Variants in MACROD2 observed in about 807,000 individuals in gnomAD.
The protein encoded by MACROD2 is mono-ADP ribosylhydrolase 2, also known as ADP-ribose glycohydrolase MACROD2.
Under a neutral mutation model 70.4 loss-of-function variants are expected in MACROD2, and 36 were observed. That is an observed-to-expected ratio of 0.51 (90% confidence interval 0.39 to 0.68). The LOEUF (loss-of-function observed/expected upper bound fraction) is 0.68. MACROD2 is among the 30% of genes least tolerant of loss of function. The pLI is 0.00. For synonymous variants in MACROD2, 172 were observed against 178.8 expected (o/e 0.96, Z 0.30); for missense variants, 496 against 538.4 (o/e 0.92, Z 0.78).
intron 3 of MACROD2, among the ~76,000 whole-genome samples, chr20:14,289,020 G>A (rs1222815081): frequency 1.3e-5 from 2 of 152,106 alleles, no homozygotes; most frequent in African/African-American, 4.8e-5. Context: ...CAATATTTAG[G>A]GGGTAGTCTA....
chr20:15,018,446 C>T (rs1158318979), intron 5 of MACROD2, among the ~76,000 whole-genome samples: 6 of 152,136 alleles, frequency 3.9e-5, no homozygotes, highest in African/African-American at 1.4e-4. Context: ...CCACATTTTC[C>T]CATCTTCTTC....
chr20:14,779,866 T>C (rs1429579514), intron 5 of MACROD2, among the ~76,000 whole-genome samples: 1 of 152,166 alleles, frequency 6.6e-6, no homozygotes, highest in African/African-American at 2.4e-5. Flanking sequence ...GCTTTATTGC[T>C]TATATTTTAA....
intron 3 of MACROD2, among the ~76,000 whole-genome samples, chr20:14,228,338 CTTT>C (rs11467676): frequency 1.2e-4 from 17 of 143,690 alleles, no homozygotes; most frequent in Admixed American, 1.2e-3. Context: ...AAATATTTTT[CTTT>C]TTTTTTTTTT....
intron 15 of MACROD2, among the ~76,000 whole-genome samples, chr20:16,009,124 T>C (rs1282294892): frequency 1.3e-5 from 2 of 152,194 alleles, no homozygotes; most frequent in Non-Finnish European, 2.9e-5. Flanking sequence ...GACAGGGCCA[T>C]GCAAACAACC....
intron 5 of MACROD2, among the ~76,000 whole-genome samples, chr20:15,212,844 G>C (rs1054125581): frequency 4.6e-5 from 7 of 152,130 alleles, no homozygotes; most frequent in Non-Finnish European, 2.9e-5. Context: ...GCAGCATCTG[G>C]GAACTTGTTA....
intron 6 of MACROD2, among the ~76,000 whole-genome samples, chr20:15,405,447 C>A (rs2021975): frequency 0.1 from 15,203 of 152,156 alleles, 877 homozygotes; most frequent in Non-Finnish European, 0.13. Context: ...CGTGGTGTGG[C>A]CCAGCCTCCA....
At chr20:15,920,422 A>G (rs2065386357) in intron 10 of MACROD2, among the ~76,000 whole-genome samples, 1 of 152,236 alleles carries the variant, frequency 6.6e-6, no homozygotes, top group Non-Finnish European at 1.5e-5. Flanking sequence ...TAGCATAACT[A>G]TATTAAAATT....
At chr20:14,004,953 G>A (rs1351765315) in intron 2 of MACROD2, among the ~76,000 whole-genome samples, 2 of 152,036 alleles carry the variant, frequency 1.3e-5, no homozygotes, top group African/African-American at 2.4e-5. Flanking sequence ...ATATTCCTGA[G>A]TACTTGAATA....
At chr20:14,499,378 C>A (rs143087770) in intron 4 of MACROD2, among the ~76,000 whole-genome samples, 2,283 of 151,918 alleles carry the variant, frequency 0.015, 64 homozygotes, top group African/African-American at 0.053. Flanking sequence ...AAAAAATAAT[C>A]AAAAATTAGC....
chr20:15,316,619 T>G (rs955865157), intron 6 of MACROD2, among the ~76,000 whole-genome samples: 2 of 152,052 alleles, frequency 1.3e-5, no homozygotes, highest in Non-Finnish European at 2.9e-5. Flanking sequence ...ATATCCCACT[T>G]TCAGTAATGG....
intron 5 of MACROD2, among the ~76,000 whole-genome samples, chr20:14,992,190 G>A (rs971025556): frequency 6.6e-6 from 1 of 152,146 alleles, no homozygotes; most frequent in Admixed American, 6.5e-5. Flanking sequence ...CTTTTCCAAA[G>A]TGAAGTCTTT....
intron 5 of MACROD2, among the ~76,000 whole-genome samples, chr20:15,216,245 A>G (rs1346628708): frequency 2.0e-5 from 3 of 152,088 alleles, no homozygotes; most frequent in Non-Finnish European, 4.4e-5. Flanking sequence ...GGGGATGGAT[A>G]CCCCATTATT....
intron 6 of MACROD2, among the ~76,000 whole-genome samples, chr20:15,413,475 A>G (rs937260578): frequency 4.8e-4 from 73 of 152,330 alleles, no homozygotes; most frequent in African/African-American, 1.6e-3. Flanking sequence ...TTACCAAATC[A>G]TAACAAGGAA....
chr20:15,174,982 T>A, intron 5 of MACROD2, among the ~76,000 whole-genome samples: 1 of 152,106 alleles, frequency 6.6e-6, no homozygotes, highest in Admixed American at 6.6e-5. Flanking sequence ...GGTAGTTTCT[T>A]TTGCTGTGCA....
At chr20:15,765,167 A>G (rs538293397) in intron 8 of MACROD2, among the ~76,000 whole-genome samples, 159 of 152,272 alleles carry the variant, frequency 1.0e-3, no homozygotes, top group Non-Finnish European at 1.8e-3. Flanking sequence ...CCTTCATTGC[A>G]GTGCAACCTG....
At chr20:14,702,503 G>A (rs2071208008) in intron 5 of MACROD2, among the ~76,000 whole-genome samples, 1 of 149,406 alleles carries the variant, frequency 6.7e-6, no homozygotes, top group African/African-American at 2.5e-5. Context: ...TGGTGTATGG[G>A]CTGTACTGTT....
intron 4 of MACROD2, among the ~76,000 whole-genome samples, chr20:14,520,475 A>AG (rs758551660): frequency 3.6e-3 from 305 of 85,110 alleles, no homozygotes; most frequent in Middle Eastern, 7.4e-3. Context: ...TCACTGTTTG[A>AG]GGTTTTTTTT....
At position 15,479,474 on chromosome 20, in the gene MACROD2, G is replaced by A. The variant is rs539992407; in HGVS notation, c.572-20300G>A. On this transcript the variant is annotated intron_variant, in intron 7 of 17. Transcript: ENST00000684519. The stretch of plus-strand genomic sequence containing the variant: ...TTTTTAGTAGAGACGGGGTTTCACC[G>A]TTTTTAGCCAGGATGGTCTCGATCT... Among the ~76,000 whole-genome samples, 32 of 151,408 alleles carry A rather than the reference G, an allele frequency of 2.1e-4. 1 individual carries two copies. In the South Asian group the frequency reaches 5.4e-3, roughly 26 times the overall value.
chr20:14,641,851 A>G (rs1276097547), intron 4 of MACROD2, among the ~76,000 whole-genome samples: 1 of 152,158 alleles, frequency 6.6e-6, no homozygotes, highest in Non-Finnish European at 1.5e-5. Context: ...GTTCTTAAGG[A>G]ACCAAGGATT....
Sources: gnomAD v4.1 joint callset for allele counts (sites outside exome capture counted in the v4.1 genomes callset) on GRCh38, gnomAD v4.1.1 for gene constraint, MANE v1.5 for transcripts, NCBI Gene and HGNC (gene_info 2026-07-23, HGNC 2026-07-21) for gene names.